PCDHGB5: variants seen among roughly 807,000 people sequenced by gnomAD.
PCDHGB5 encodes the protein protocadherin gamma subfamily B, 5, also known as protocadherin gamma-B5.
PCDHGB5 carries 48 observed loss-of-function variants against 62.9 expected under a neutral mutation model. The ratio of observed to expected loss-of-function variants is 0.76; its 90% CI spans 0.61 to 0.97. PCDHGB5 has a LOEUF of 0.97. Among genes scored for constraint, PCDHGB5 ranks in the 50% least tolerant of loss-of-function variants. The probability of loss-of-function intolerance (pLI) is 0.00; values close to 1 mark genes in which losing one functional copy is unlikely to be tolerated. For synonymous variants in PCDHGB5, 474 were observed against 511.2 expected, an observed-to-expected ratio of 0.93 and a Z score of 0.98; for missense variants, 1,118 against 1,198.6, an observed-to-expected ratio of 0.93 and a Z score of 0.99.
At chr5:141,413,924 A>T in intron 1 of PCDHGB5, 1 of 1,613,408 alleles carries the variant, frequency 6.2e-7, no homozygotes, top group Non-Finnish European at 8.5e-7. Context: ...ACCTTGCCAG[A>T]ATACCGAGTG....
In PCDHGB5 at chr5:141,490,413, G is replaced by C. The variant is rs2233606; in HGVS notation, c.2398-4394G>C. 6 of 1,614,128 alleles carry C rather than the reference G, an allele frequency of 3.7e-6. No individual in the cohort carries two copies. In the South Asian group the frequency reaches 4.4e-5, roughly 12 times the overall value. On this transcript the variant is annotated intron_variant, in intron 1 of 3. Transcript: ENST00000617380. The surrounding 1 kb of genome is among the most constrained non-coding windows in gnomAD (Gnocchi z 5.4). ...GTGAAGTGAGCCTTGATATCTCTCCGGACCTGCCATTTCAGATTAAGCCTT... is the reference window on the plus strand; with the variant it reads ...GTGAAGTGAGCCTTGATATCTCTCCCGACCTGCCATTTCAGATTAAGCCTT...
chr5:141,433,142 G>A, intron 1 of PCDHGB5: 2 of 1,614,108 alleles, frequency 1.2e-6, no homozygotes, highest in African/African-American at 1.3e-5. Flanking sequence ...TTTGCTGTCA[G>A]GTGATTCGGT....
intron 1 of PCDHGB5, among the ~76,000 whole-genome samples, chr5:141,483,611 A>G (rs2099583566): frequency 6.6e-6 from 1 of 151,952 alleles, no homozygotes; most frequent in South Asian, 2.1e-4. Context: ...TTACACCTCC[A>G]TCATTCCCAT....
At chr5:141,445,781 G>A (rs1424622281) in intron 1 of PCDHGB5, among the ~76,000 whole-genome samples, 25 of 152,112 alleles carry the variant, frequency 1.6e-4, no homozygotes, top group Admixed American at 1.6e-3. Flanking sequence ...AAAGGGCTAG[G>A]GAGGCTAGAA....
intron 1 of PCDHGB5, among the ~76,000 whole-genome samples, chr5:141,466,613 C>T (rs772278295): frequency 1.2e-4 from 19 of 152,144 alleles, no homozygotes; most frequent in Non-Finnish European, 2.4e-4. Context: ...TGTAAACTGC[C>T]GTTTTCTTTG....
At chr5:141,428,091 T>C (rs769710543) in intron 1 of PCDHGB5, 2 of 1,609,000 alleles carry the variant, frequency 1.2e-6, no homozygotes, top group East Asian at 2.2e-5. Flanking sequence ...CGCTTGGCTG[T>C]CCTACCACGT....
At chr5:141,413,054 A>T in intron 1 of PCDHGB5, 1 of 981,732 alleles carries the variant, frequency 1.0e-6, no homozygotes, top group Non-Finnish European at 1.5e-6. Context: ...AGGGAAGCTC[A>T]CTCCAGAATT....
chr5:141,435,467 G>A (rs1019246812), intron 1 of PCDHGB5, among the ~76,000 whole-genome samples: 3 of 152,146 alleles, frequency 2.0e-5, no homozygotes, highest in Non-Finnish European at 2.9e-5. Context: ...GTGTTTCCAA[G>A]TTAGACATTT....
intron 1 of PCDHGB5, among the ~76,000 whole-genome samples, chr5:141,445,119 T>C (rs975225604): frequency 1.3e-5 from 2 of 152,270 alleles, no homozygotes; most frequent in African/African-American, 4.8e-5. Context: ...TTGTAAATAG[T>C]ATTTTTAAAA....
At chr5:141,449,933 G>A (rs1012332454) in intron 1 of PCDHGB5, among the ~76,000 whole-genome samples, 1 of 149,752 alleles carries the variant, frequency 6.7e-6, no homozygotes, top group African/African-American at 2.5e-5. Flanking sequence ...ATACCTTATA[G>A]TATATTTTAC....
intron 1 of PCDHGB5, among the ~76,000 whole-genome samples, chr5:141,448,083 T>C (rs1020024755): frequency 2.6e-5 from 4 of 151,368 alleles, no homozygotes; most frequent in African/African-American, 9.7e-5. Context: ...CGAAATGCCA[T>C]CTTAAAAAAA....
intron 1 of PCDHGB5, chr5:141,408,785 T>C: frequency 6.2e-7 from 1 of 1,612,308 alleles, no homozygotes; most frequent in Non-Finnish European, 8.5e-7. Context: ...CCCAGAGTTA[T>C]CTCTGGAGAA....
chr5:141,430,309 A>G (rs984998714), intron 1 of PCDHGB5, among the ~76,000 whole-genome samples: 2 of 152,116 alleles, frequency 1.3e-5, no homozygotes, highest in Non-Finnish European at 2.9e-5. Context: ...CACTAACATT[A>G]TAAGATTAAA....
In PCDHGB5 at chr5:141,477,250, C is replaced by G; in HGVS notation, c.2398-17557C>G. 6.2e-7 allele frequency: 1 copy of G among 1,614,190 alleles called. No homozygotes were observed. The highest frequency in any genetic ancestry group is 8.5e-7 in the Non-Finnish European group (1 of 1,180,040). On this transcript the variant is annotated intron_variant, in intron 1 of 3. Coordinates refer to ENST00000617380, the MANE Select transcript of PCDHGB5 (RefSeq NM_018925.3). The surrounding 1 kb of genome is among the most constrained non-coding windows in gnomAD (Gnocchi z 4.9). ...TCATCGCTTTGCTCAGTGTGACTGA[C>G]CTGGATGCTGGCGAGAACGGGCTGG...
intron 2 of PCDHGB5, among the ~76,000 whole-genome samples, chr5:141,500,359 C>T (rs2099799599): frequency 6.6e-6 from 1 of 152,032 alleles, no homozygotes; most frequent in Non-Finnish European, 1.5e-5. Flanking sequence ...CAGGCGCCCA[C>T]TACCACGCCC....
Position 141,489,429 on chromosome 5 carries a change from G to A in PCDHGB5, c.2398-5378G>A. 1 of 1,614,140 alleles carries A rather than the reference G, an allele frequency of 6.2e-7. No individual in the cohort carries two copies. Among genetic ancestry groups the A allele is most frequent in the Non-Finnish European group, 8.5e-7 (1 of 1,180,036 alleles). ...AGATGACAGATCTGTTGAGCCGGCG[G>A]CTGCAATTGGGCTCTGAGGAGAATG... On this transcript the variant is annotated intron_variant, in intron 1 of 3. Transcript: ENST00000617380. The surrounding 1 kb of genome is among the most constrained non-coding windows in gnomAD (Gnocchi z 4.5).
intron 1 of PCDHGB5, chr5:141,423,851 C>T (rs1311833319): frequency 7.8e-6 from 10 of 1,275,940 alleles, no homozygotes; most frequent in African/African-American, 1.6e-5. Flanking sequence ...TCTTTCAGAA[C>T]GTTTTTGTGA....
intron 1 of PCDHGB5, chr5:141,433,024 C>A: frequency 6.2e-7 from 1 of 1,614,168 alleles, no homozygotes; most frequent in African/African-American, 1.3e-5. Flanking sequence ...CCTATTCCCA[C>A]GAGGTTTCCC....
chr5:141,505,832 T>G (rs1006398435), intron 3 of PCDHGB5, among the ~76,000 whole-genome samples: 1 of 152,188 alleles, frequency 6.6e-6, no homozygotes, highest in African/African-American at 2.4e-5. Flanking sequence ...AAACCTCAGT[T>G]TCCTCAGCCT....
Sources: allele counts gnomAD v4.1 joint callset (sites outside exome capture counted in the v4.1 genomes callset), GRCh38; gene constraint gnomAD v4.1.1; non-coding constraint Gnocchi (gnomAD v3.1); transcripts MANE v1.5; gene names NCBI Gene and HGNC (gene_info 2026-07-23, HGNC 2026-07-21).